The following IL1A variants were observed in gnomAD, a reference collection of about 807,000 sequenced individuals.
IL1A encodes the protein interleukin-1 alpha.
In IL1A, 16 loss-of-function variants were observed where a neutral mutation model predicts 22.2. The observed-to-expected ratio is 0.72, with a 90% confidence interval of 0.49 to 1.09. The LOEUF is 1.09. Ranked by LOEUF, IL1A falls within the 50% of genes least tolerant of loss-of-function variation. The pLI, the probability that IL1A is intolerant of heterozygous loss-of-function variation, is 0.00. For synonymous variants in IL1A, 113 were observed against 118.5 expected (o/e 0.95, Z 0.30); for missense variants, 317 against 321.8 (o/e 0.99, Z 0.11).
chr2:112,782,623 G>T, intron 3 of IL1A, 93 bp downstream of exon 3: 1 of 923,352 alleles, frequency 1.1e-6, no homozygotes. Flanking sequence ...TAAAACAAAA[G>T]TATTGAAGAT....
At chr2:112,781,557 T>A in intron 4 of IL1A, 47 bp downstream of exon 4, 2 of 1,456,538 alleles carry the variant, frequency 1.4e-6, no homozygotes, top group Non-Finnish European at 1.9e-6. Flanking sequence ...CTGTCCCTAC[T>A]TGCTTAAAAC....
intron 6 of IL1A, among the ~76,000 whole-genome samples, chr2:112,777,045 G>A (rs1055256259): frequency 1.3e-4 from 19 of 150,862 alleles, no homozygotes; most frequent in African/African-American, 4.1e-4. Context: ...AAGGGGCTTT[G>A]TTTTTACCAC....
At chr2:112,777,595 G>A (rs138466180) in intron 6 of IL1A, among the ~76,000 whole-genome samples, 54 of 152,284 alleles carry the variant, frequency 3.5e-4, no homozygotes, top group African/African-American at 1.2e-3. Flanking sequence ...GTGCCCATTG[G>A]CAGGTGATTA....
intron 6 of IL1A, among the ~76,000 whole-genome samples, chr2:112,776,002 C>T (rs1681096117): frequency 6.6e-6 from 1 of 152,070 alleles, no homozygotes; most frequent in Non-Finnish European, 1.5e-5. Context: ...ATTTCCCAAA[C>T]CTATTCCTCT....
chr2:112,775,375 T>C (rs1281051837), intron 6 of IL1A, 108 bp from the exon 7 acceptor site: 2 of 772,332 alleles, frequency 2.6e-6, no homozygotes, highest in Non-Finnish European at 2.2e-6. Context: ...TTTAGGACTA[T>C]GGCTGTAACA....
In IL1A at chr2:112,774,741, G is replaced by A. The variant is rs1296240321; in HGVS notation, c.*326C>T. On this transcript the variant is annotated 3_prime_UTR_variant, in exon 7 of 7. Transcript: ENST00000263339. ...CAACTGCTATTGTGCATATTTCTTA[G>A]TTTTCTTATGCCTTAATTTGCCCAT... 1 of 195,072 alleles carries A rather than the reference G, an allele frequency of 5.1e-6. No individual in the cohort carries two copies. Among genetic ancestry groups the A allele is most frequent in the Admixed American group, 5.3e-5 (1 of 18,752 alleles). 12.1% of individuals were successfully genotyped at this position (195,072 alleles called of 1,614,324 possible). A position where few individuals can be genotyped will look rare whatever the true frequency, so the allele number is the denominator to read the frequency against.
At chr2:112,778,849 C>T (rs1345265393) in intron 5 of IL1A, among the ~76,000 whole-genome samples, 1 of 152,160 alleles carries the variant, frequency 6.6e-6, no homozygotes, top group Non-Finnish European at 1.5e-5. Context: ...AGCATGTTAG[C>T]TGAAGTGCAT....
At chr2:112,783,857 G>T in intron 1 of IL1A, 79 bp from the exon 2 acceptor site, 3 of 1,265,384 alleles carry the variant, frequency 2.4e-6, no homozygotes, top group African/African-American at 2.9e-5. Flanking sequence ...CCTCCTCTTT[G>T]TGCTTCCTGA....
intron 5 of IL1A, among the ~76,000 whole-genome samples, chr2:112,778,873 G>A (rs559386083): frequency 1.1e-4 from 16 of 152,298 alleles, no homozygotes; most frequent in Middle Eastern, 3.4e-3. Context: ...ATCAGAAAAA[G>A]TCTTGCTTGT....
In IL1A at chr2:112,779,624, T is replaced by C. The variant is rs1020480904; in HGVS notation, c.362A>G (p.Asn121Ser). Residue 121 changes from asparagine (N) to serine (S), a missense_variant, in exon 5 of 7, where the codon AAT (asparagine) becomes AGT (serine). Physicochemically the swap from Asn to Ser is conservative, Grantham distance 46. Coordinates refer to ENST00000263339, the MANE Select transcript of IL1A (RefSeq NM_000575.5). Reference sequence around the variant, plus strand: ...GATCCTCATAAAGTTGTATTTCACATTGCTCAGGAAGCTAAAAGGTGCTGA... The same window carrying C: ...GATCCTCATAAAGTTGTATTTCACACTGCTCAGGAAGCTAAAAGGTGCTGA... ...PRSAPFSFLS[N>S]VKYNFMRIIK... is the part of the protein sequence containing the mutation. 6.2e-6 allele frequency: 10 copies of C among 1,612,136 alleles called. No homozygotes were observed. The African/African-American group carries it at 1.1e-4, about 17-fold the overall frequency.
chr2:112,779,868 T>G (rs1466850049), intron 4 of IL1A, among the ~76,000 whole-genome samples: 1 of 152,220 alleles, frequency 6.6e-6, no homozygotes, highest in Non-Finnish European at 1.5e-5. Context: ...ATGTGCTTCT[T>G]TTTAAACTTC....
rs553259442 is a variant in IL1A, at chr2:112,779,589, C to G, written c.397G>C (p.Glu133Gln). 8 of 1,612,622 alleles carry G rather than the reference C, an allele frequency of 5.0e-6. No homozygotes were observed. In the East Asian group the frequency reaches 1.8e-4, roughly 36 times the overall value. ...KYNFMRIIKY[E>Q]FILNDALNQS... ...TTGAGGGCGTCATTCAGGATGAATT[C>G]GTATTTGATGATCCTCATAAAGTTG... Residue 133 changes from glutamate (E) to glutamine (Q), a missense_variant, in exon 5 of 7, where the codon GAA becomes CAA. Coordinates refer to ENST00000263339, the MANE Select transcript of IL1A (RefSeq NM_000575.5).
chr2:112,775,051 A>C lies in IL1A; in HGVS notation c.*16T>G, dbSNP rs769924142. 1 of 1,605,394 alleles carries C rather than the reference A, an allele frequency of 6.2e-7. No homozygotes were observed. Among genetic ancestry groups the C allele is most frequent in the Non-Finnish European group, 8.5e-7 (1 of 1,172,544 alleles). On this transcript the variant is annotated 3_prime_UTR_variant, in exon 7 of 7. Transcript: ENST00000263339. ...ACTGTCAACACTGCACAAGTGAGAC[A>C]AGTGAGACTCCAGACCTACGCCTGG... is the stretch of plus-strand genomic sequence containing the variant.
intron 1 of IL1A, 119 bp from the exon 2 acceptor site, chr2:112,783,897 C>T (rs1439060657): frequency 2.4e-6 from 2 of 841,510 alleles, no homozygotes; most frequent in East Asian, 2.4e-5. Flanking sequence ...AGTCCACATT[C>T]AGCATTTTCT....
At position 112,782,777 on chromosome 2, in the gene IL1A, G is replaced by A. The variant is rs1263935236; in HGVS notation, c.48-13C>T. 1.9e-6 allele frequency: 3 copies of A among 1,592,340 alleles called. No homozygotes were observed. The African/African-American group carries it at 4.0e-5, about 21-fold the overall frequency. ...TTCTTCATTTTCACTGTCAAAATAA[G>A]ATGATGAGAATGTAATTGTTGTTAT... On this transcript the variant is annotated splice_polypyrimidine_tract_variant and intron_variant, in intron 2 of 6. Transcript: ENST00000263339.
Position 112,777,993 on chromosome 2 carries a change from C to A in IL1A, c.609G>T (p.Leu203=). 6.2e-7 allele frequency: 1 copy of A among 1,614,016 alleles called. No homozygotes were observed. The highest frequency in any genetic ancestry group is 8.5e-7 in the Non-Finnish European group (1 of 1,179,958). The part of the protein sequence containing the change: ...VTAQDEDQPV[L]LKEMPEIPKT... ...GAGACAAAGGACAACTGACCTTCAG[C>A]AGCACTGGTTGGTCTTCATCTTGGG... is the stretch of plus-strand genomic sequence containing the variant. The change falls in exon 6 of 7, where the codon CTG becomes CTT. Residue 203 remains leucine (L), a synonymous_variant. Coordinates refer to ENST00000263339, the MANE Select transcript of IL1A (RefSeq NM_000575.5).
In IL1A at chr2:112,778,124, AG is replaced by A. The variant is rs756409597; in HGVS notation, c.491-14del. ...ATGTCAAATTTCACTGGTGAAGAGA[AG>A]AACCAAAAAGAAAGTAAATTCATTG... On this transcript the variant is annotated splice_polypyrimidine_tract_variant and intron_variant, in intron 5 of 6. Coordinates refer to ENST00000263339, the MANE Select transcript of IL1A (RefSeq NM_000575.5). The A allele has an allele frequency of 3.0e-5, 48 of 1,608,822 alleles. No homozygotes were observed. Among genetic ancestry groups the A allele is most frequent in the African/African-American group, 4.0e-5 (3 of 74,612 alleles).
rs769611635 is a variant in IL1A at position 112,781,703 on chromosome 2, C to T, written c.220G>A (p.Val74Ile). The change falls in exon 4 of 7, where the codon GTA (valine) becomes ATA (isoleucine). Residue 74 changes from valine (V) to isoleucine (I), a missense_variant. Val to Ile is a conservative substitution (Grantham distance 29). Coordinates refer to ENST00000263339, the MANE Select transcript of IL1A (RefSeq NM_000575.5). ...TTCAGAACCTTCCCGTTGGTTGCTA[C>T]TACCACCATGCTCTCCTTGAAGGTA... is the stretch of plus-strand genomic sequence containing the variant. ...KLTFKESMVVVATNGKVLKKR... is the reference protein window; with the variant it reads ...KLTFKESMVVIATNGKVLKKR... 1 of 1,614,176 alleles carries T rather than the reference C, an allele frequency of 6.2e-7. No individual in the cohort carries two copies. The highest frequency in any genetic ancestry group is 1.3e-5 in the African/African-American group (1 of 75,060).
At chr2:112,779,987 G>A (rs1465289877) in intron 4 of IL1A, among the ~76,000 whole-genome samples, 4 of 150,322 alleles carry the variant, frequency 2.7e-5, no homozygotes, top group Admixed American at 6.7e-5. Context: ...AGTATTTCCC[G>A]TCTATGTTTT....
Sources: allele counts gnomAD v4.1 joint callset (sites outside exome capture counted in the v4.1 genomes callset), GRCh38; gene constraint gnomAD v4.1.1; transcripts MANE v1.5; gene names NCBI Gene and HGNC (gene_info 2026-07-23, HGNC 2026-07-21).